Variants in OLFM2 observed in about 807,000 individuals in gnomAD.
OLFM2 encodes the protein olfactomedin 2, also known as noelin-2.
In OLFM2, 20 loss-of-function variants were observed where a neutral mutation model predicts 43.9. That is an observed-to-expected ratio of 0.46 (90% CI 0.32 to 0.66). The LOEUF (loss-of-function observed/expected upper bound fraction) is 0.66, where lower values mean the gene tolerates loss of function less well. Among genes scored for constraint, OLFM2 ranks in the 30% least tolerant of loss-of-function variants. OLFM2 has a pLI of 0.04. For synonymous variants in OLFM2, 268 were observed against 278.6 expected, an observed-to-expected ratio of 0.96 and a Z score of 0.38; for missense variants, 416 against 643.6, an observed-to-expected ratio of 0.65 and a Z score of 3.83.
At chr19:9,919,302 G>A (rs1169553228) in intron 1 of OLFM2, among the ~76,000 whole-genome samples, 2 of 151,740 alleles carry the variant, frequency 1.3e-5, no homozygotes, top group African/African-American at 4.8e-5. Flanking sequence ...GAGTAGCTGG[G>A]GCTACAGGCG....
intron 2 of OLFM2, 138 bp downstream of exon 2, chr19:9,860,507 A>T: frequency 2.5e-6 from 2 of 787,982 alleles, no homozygotes; most frequent in Non-Finnish European, 2.0e-6. Flanking sequence ...CTGCCTGGAG[A>T]GGAGCTGGAT....
chr19:9,911,153 T>C (rs11670480), intron 1 of OLFM2, among the ~76,000 whole-genome samples: 94,510 of 152,002 alleles, frequency 0.62, 29,629 homozygotes, highest in African/African-American at 0.67. Flanking sequence ...ATCATTCCCA[T>C]TTTATAGATG....
At position 9,856,946 on chromosome 19, in the gene OLFM2, G is replaced by A. The variant is rs1274681241; in HGVS notation, c.581-33C>T. The stretch of plus-strand genomic sequence containing the variant: ...GCAGGAACAGGGGGAATGAGGATGG[G>A]GAAATGAACAGCCCAAGAGAGGCCA... On this transcript the variant is annotated intron_variant, in intron 4 of 5. Coordinates refer to ENST00000264833, the MANE Select transcript of OLFM2 (RefSeq NM_058164.4). The surrounding 1 kb of genome is among the most constrained non-coding windows in gnomAD (Gnocchi z 4.0). 7 of 1,522,858 alleles carry A rather than the reference G, an allele frequency of 4.6e-6. No individual in the cohort carries two copies. In the African/African-American group the frequency reaches 8.2e-5, roughly 18 times the overall value. The allele number at this position is 1,522,858 out of a possible 1,614,324, so 94.3% of individuals were successfully genotyped here. A position where few individuals can be genotyped will look rare whatever the true frequency, so the allele number is the denominator to read the frequency against.
intron 1 of OLFM2, among the ~76,000 whole-genome samples, chr19:9,898,704 T>A (rs2046706912): frequency 6.6e-6 from 1 of 151,980 alleles, no homozygotes; most frequent in Non-Finnish European, 1.5e-5. Flanking sequence ...GCCTTATAAG[T>A]CTCTCCAGCC....
At chr19:9,893,253 C>T (rs140074332) in intron 1 of OLFM2, among the ~76,000 whole-genome samples, 2,604 of 151,998 alleles carry the variant, frequency 0.017, 59 homozygotes, top group African/African-American at 0.058. Flanking sequence ...CAGCCTCCAC[C>T]TCCCAGGTTC....
intron 1 of OLFM2, among the ~76,000 whole-genome samples, chr19:9,908,173 T>G (rs10410395): frequency 6.6e-6 from 1 of 151,866 alleles, no homozygotes; most frequent in Admixed American, 6.6e-5. Flanking sequence ...TCCTCCAACA[T>G]GCCAGGCGTG....
chr19:9,889,201 G>A (rs922914691), intron 1 of OLFM2, among the ~76,000 whole-genome samples: 5 of 152,044 alleles, frequency 3.3e-5, no homozygotes, highest in Non-Finnish European at 7.4e-5. Flanking sequence ...GTGAGCTGTG[G>A]CCATGTGTCT....
At chr19:9,863,741 CT>C (rs907582021) in intron 1 of OLFM2, among the ~76,000 whole-genome samples, 84 of 145,934 alleles carry the variant, frequency 5.8e-4, no homozygotes, top group African/African-American at 1.1e-3. Flanking sequence ...TCAATCGAGT[CT>C]TTTTTTTTTT....
At chr19:9,921,866 G>A (rs2086423870) in intron 1 of OLFM2, among the ~76,000 whole-genome samples, 1 of 152,148 alleles carries the variant, frequency 6.6e-6, no homozygotes, top group Non-Finnish European at 1.5e-5. Context: ...GGCCGGGGCG[G>A]GAGGATGGTT....
intron 1 of OLFM2, among the ~76,000 whole-genome samples, chr19:9,908,883 G>T (rs1284236677): frequency 6.6e-6 from 1 of 151,970 alleles, no homozygotes; most frequent in Non-Finnish European, 1.5e-5. Context: ...GGCTAAAAAT[G>T]TATTTTCTTT....
intron 1 of OLFM2, among the ~76,000 whole-genome samples, chr19:9,871,294 C>T (rs906167440): frequency 2.0e-5 from 3 of 150,124 alleles, no homozygotes; most frequent in Non-Finnish European, 4.4e-5. Context: ...TATAAAATTC[C>T]GGGTGCTGTG....
intron 1 of OLFM2, among the ~76,000 whole-genome samples, chr19:9,893,195 C>T (rs1396744765): frequency 6.7e-5 from 10 of 149,790 alleles, no homozygotes; most frequent in Non-Finnish European, 1.5e-4. Flanking sequence ...GACAGAGTCT[C>T]GCTCTGTTGC....
intron 1 of OLFM2, among the ~76,000 whole-genome samples, chr19:9,876,737 G>A (rs755813562): frequency 3.9e-5 from 6 of 152,244 alleles, no homozygotes; most frequent in East Asian, 1.9e-4. Flanking sequence ...CTGTGCCTCC[G>A]TTCCCCCAGT....
chr19:9,913,129 C>T (rs1599496917), intron 1 of OLFM2, among the ~76,000 whole-genome samples: 1 of 152,136 alleles, frequency 6.6e-6, no homozygotes, highest in African/African-American at 2.4e-5. Context: ...CCCCACTCAG[C>T]CCGGACTCAG....
At chr19:9,859,848 A>G (rs2046353477) in intron 2 of OLFM2, among the ~76,000 whole-genome samples, 1 of 152,204 alleles carries the variant, frequency 6.6e-6, no homozygotes, top group African/African-American at 2.4e-5. Context: ...TCTCCCAAAA[A>G]AGCATTGAAC....
At position 9,854,219 on chromosome 19, in the gene OLFM2, CAG is replaced by C. The variant is rs1456958924; in HGVS notation, c.1330_1331del (p.Leu444ValfsTer80). 2 of 1,614,128 alleles carry C rather than the reference CAG, an allele frequency of 1.2e-6. No homozygotes were observed. Among genetic ancestry groups the C allele is most frequent in the Non-Finnish European group, 8.5e-7 (1 of 1,180,032 alleles). ...CCCCAGAGGTGCTGATGACGTGAAA[CAG>C]GGTGACATTGTAGAGCACCTGGTGG... The part of the protein sequence containing the change: ...NGHQVLYNVT[L>X]FHVISTSGDP On this transcript the variant is annotated frameshift_variant, in exon 6 of 6. Transcript: ENST00000264833. LOFTEE classifies it high-confidence loss of function. This position sits in a 1 kb window ranked among gnomAD's most constrained non-coding sequence, Gnocchi z 9.5.
rs1184076740 is a variant in OLFM2, at chr19:9,854,547, A to G, written c.1004T>C (p.Val335Ala). The G allele has an allele frequency of 6.2e-7, 1 of 1,613,824 alleles. No individual in the cohort carries two copies. The highest frequency in any genetic ancestry group is 8.5e-7 in the Non-Finnish European group (1 of 1,180,050). ...FMVDESGLWA[V>A]YTTNQNAGNI... ...GCCCGCGTTCTGGTTGGTGGTGTAC[A>G]CAGCCCAGAGCCCGCTCTCGTCCAC... The change falls in exon 6 of 6, where the codon GTG becomes GCG. Residue 335 changes from valine (V) to alanine (A), a missense_variant. Physicochemically the swap from Val to Ala is moderately conservative, Grantham distance 64. Transcript: ENST00000264833. This position sits in a 1 kb window ranked among gnomAD's most constrained non-coding sequence, Gnocchi z 9.5.
intron 1 of OLFM2, among the ~76,000 whole-genome samples, chr19:9,898,858 G>A (rs1263594722): frequency 6.6e-6 from 1 of 152,036 alleles, no homozygotes. Context: ...AGATAACACC[G>A]GGCTTGCTCG....
chr19:9,878,950 G>A (rs1031088387), intron 1 of OLFM2, among the ~76,000 whole-genome samples: 3 of 152,006 alleles, frequency 2.0e-5, no homozygotes, highest in Non-Finnish European at 2.9e-5. Flanking sequence ...GGACTCAAGC[G>A]ATCCTCCCAC....
Sources: gnomAD v4.1 joint callset for allele counts (sites outside exome capture counted in the v4.1 genomes callset) on GRCh38, gnomAD v4.1.1 for gene constraint, Gnocchi (gnomAD v3.1) non-coding constraint, MANE v1.5 for transcripts, NCBI Gene and HGNC (gene_info 2026-07-23, HGNC 2026-07-21) for gene names.